Variants in PXN observed in about 807,000 individuals in gnomAD.
The protein encoded by PXN is paxillin.
PXN carries 61 observed loss-of-function variants against 103.6 expected under a neutral mutation model. The ratio of observed to expected loss-of-function variants is 0.59; its 90% CI spans 0.48 to 0.73. The LOEUF is 0.73. Among genes scored for constraint, PXN ranks in the 30% least tolerant of loss-of-function variants. PXN has a pLI of 0.00. For missense variants in PXN, 1,274 were observed against 1,460.3 expected, an observed-to-expected ratio of 0.87 and a Z score of 2.08; for synonymous variants, 562 against 607.8, an observed-to-expected ratio of 0.92 and a Z score of 1.11.
rs925865572 is a variant in PXN, at chr12:120,221,877, C to T, written c.696-119G>A. The T allele has an allele frequency of 7.3e-7, 1 of 1,374,744 alleles. No homozygotes were observed. Among genetic ancestry groups the T allele is most frequent in the Non-Finnish European group, 9.7e-7 (1 of 1,035,128 alleles). The allele number at this position is 1,374,744 out of a possible 1,614,324, so 85.2% of individuals were successfully genotyped here. ...CACCATCCCCAACCCCAGGGAGGTC[C>T]ACCAGCTCCCTGTCTCTCCTGGGGA... On this transcript the variant is annotated intron_variant, in intron 5 of 14. Coordinates refer to ENST00000637617, the MANE Select transcript of PXN (RefSeq NM_001385981.1). This position sits in a 1 kb window ranked among gnomAD's most constrained non-coding sequence, Gnocchi z 6.6.
Position 120,230,796 on chromosome 12 carries a change from C to T in PXN, c.14-6419G>A, listed in dbSNP as rs184768071. ...ATAACCGTCTGTCCTCAGTAAGGGC[C>T]AATCCACAATTAGGCCAGATCCACT... On this transcript the variant is annotated intron_variant, in intron 1 of 14. Coordinates refer to ENST00000637617, the MANE Select transcript of PXN (RefSeq NM_001385981.1). Among the ~76,000 whole-genome samples the T allele has an allele frequency of 6.6e-5, 10 of 152,178 alleles. No homozygotes were observed. In the East Asian group the frequency reaches 1.9e-3, roughly 29 times the overall value.
chr12:120,214,124 T>C lies in PXN; in HGVS notation c.2830+12A>G. 1 of 1,553,646 alleles carries C rather than the reference T, an allele frequency of 6.4e-7. No homozygotes were observed. Among genetic ancestry groups the C allele is most frequent in the Non-Finnish European group, 8.7e-7 (1 of 1,148,430 alleles). ...AAGAGGCGGTGGGTCAGTCCGCCGG[T>C]CCAGCCCGTACCTTCGGGACCAAAG... On this transcript the variant is annotated intron_variant, in intron 13 of 14. Coordinates refer to ENST00000637617, the MANE Select transcript of PXN (RefSeq NM_001385981.1). This position sits in a 1 kb window ranked among gnomAD's most constrained non-coding sequence, Gnocchi z 5.0.
Position 120,221,688 on chromosome 12 carries a change from G to C in PXN, c.766C>G (p.Arg256Gly), listed in dbSNP as rs757335775. Residue 256 changes from arginine (R) to glycine (G), a missense_variant, in exon 6 of 15, where the codon CGC (arginine) becomes GGC (glycine). This residue lies in a region of PXN where 1,178 missense variants were observed against 1,309.0 expected (regional missense o/e 0.90). Coordinates refer to ENST00000637617, the MANE Select transcript of PXN (RefSeq NM_001385981.1). This position sits in a 1 kb window ranked among gnomAD's most constrained non-coding sequence, Gnocchi z 6.6. The stretch of plus-strand genomic sequence containing the variant: ...CTGGTGGCAGAGGAGGCCGAGATGC[G>C]TGTCTGCTGTTGGGTGGAGGTGACG... ...QRVTSTQQQT[R>G]ISASSATREL... 2 of 1,568,238 alleles carry C rather than the reference G, an allele frequency of 1.3e-6. No individual in the cohort carries two copies. Among genetic ancestry groups the C allele is most frequent in the African/African-American group, 1.4e-5 (1 of 74,010 alleles).
At chr12:120,226,663 T>C in intron 1 of PXN, 1 of 1,164,612 alleles carries the variant, frequency 8.6e-7, no homozygotes, top group Non-Finnish European at 1.1e-6. Flanking sequence ...CCTAGGCTGG[T>C]GAAGTATTGG....
chr12:120,214,835 G>A lies in PXN; in HGVS notation c.2738C>T (p.Pro913Leu). The A allele has an allele frequency of 6.2e-7, 1 of 1,614,002 alleles. No homozygotes were observed. Among genetic ancestry groups the A allele is most frequent in the Non-Finnish European group, 8.5e-7 (1 of 1,179,884 alleles). ...FSPRCYYCNGPILDKVVTALD... is the reference protein window; with the variant it reads ...FSPRCYYCNGLILDKVVTALD... ...GGATGAGGAACTCACATCCAGGATG[G>A]GGCCGTTGCAGTAGTAGCAGCGCGG... The change falls in exon 12 of 15, where the codon CCC (proline) becomes CTC (leucine). Residue 913 changes from proline to leucine, a missense_variant. Physicochemically the swap from Pro to Leu is moderately conservative, Grantham distance 98. This residue lies in a region of PXN where 1,178 missense variants were observed against 1,309.0 expected (regional missense o/e 0.90). Coordinates refer to ENST00000637617, the MANE Select transcript of PXN (RefSeq NM_001385981.1). This position sits in a 1 kb window ranked among gnomAD's most constrained non-coding sequence, Gnocchi z 5.0.
At chr12:120,252,827 G>A (rs915300479) in intron 1 of PXN, among the ~76,000 whole-genome samples, 8 of 151,934 alleles carry the variant, frequency 5.3e-5, no homozygotes, top group Non-Finnish European at 2.9e-5. Context: ...ATGAAACTCC[G>A]TCTCTACTAA....
intron 1 of PXN, among the ~76,000 whole-genome samples, chr12:120,256,589 C>T (rs374049316): frequency 6.6e-6 from 1 of 152,058 alleles, no homozygotes; most frequent in African/African-American, 2.4e-5. Context: ...TGGAGTAAAG[C>T]GTGAGCAAAT....
Position 120,224,452 on chromosome 12 carries a change from C to A in PXN, c.14-75G>T. 9.3e-7 allele frequency: 1 copy of A among 1,075,944 alleles called. No homozygotes were observed. Among genetic ancestry groups the A allele is most frequent in the Non-Finnish European group, 1.4e-6 (1 of 693,538 alleles). The allele number at this position is 1,075,944 out of a possible 1,614,324, so 66.6% of individuals were successfully genotyped here. A position where few individuals can be genotyped will look rare whatever the true frequency, so the allele number is the denominator to read the frequency against. ...TCTCCCGTGGCAGGGCCCTCCCTGCCTGCACCTCAAGAGTTAATGCCTTCT... is the reference window on the plus strand; with the variant it reads ...TCTCCCGTGGCAGGGCCCTCCCTGCATGCACCTCAAGAGTTAATGCCTTCT... On this transcript the variant is annotated intron_variant, in intron 1 of 14. Coordinates refer to ENST00000637617, the MANE Select transcript of PXN (RefSeq NM_001385981.1). This position sits in a 1 kb window ranked among gnomAD's most constrained non-coding sequence, Gnocchi z 5.0.
rs1029966592 is a variant in PXN at position 120,217,157 on chromosome 12, C to G, written c.1717-41G>C. ...GGGGAGGCTGTCACCGTCCCACTCC[C>G]AGCTTGCACAACGCTGCTCAGGCCA... On this transcript the variant is annotated intron_variant, in intron 7 of 14. Coordinates refer to ENST00000637617, the MANE Select transcript of PXN (RefSeq NM_001385981.1). This position sits in a 1 kb window ranked among gnomAD's most constrained non-coding sequence, Gnocchi z 4.1. 8 of 1,478,248 alleles carry G rather than the reference C, an allele frequency of 5.4e-6. No individual in the cohort carries two copies. In the African/African-American group the frequency reaches 1.1e-4, roughly 20 times the overall value. The allele number at this position is 1,478,248 out of a possible 1,614,324, so 91.6% of individuals were successfully genotyped here.
rs1255620187 is a variant in PXN, at chr12:120,224,089, C to T, written c.240+62G>A. The T allele has an allele frequency of 4.5e-6, 6 of 1,343,614 alleles. 1 individual carries two copies. In the East Asian group the frequency reaches 1.3e-4, roughly 28 times the overall value. 83.2% of individuals were successfully genotyped at this position (1,343,614 alleles called of 1,614,324 possible). Reference sequence around the variant, plus strand: ...CATCCCCTGGCTCCCTAAGCCCCTGCCAGCTAAGTTCCCTCTGTCCCCCAG... The same window carrying T: ...CATCCCCTGGCTCCCTAAGCCCCTGTCAGCTAAGTTCCCTCTGTCCCCCAG... On this transcript the variant is annotated intron_variant, in intron 2 of 14. Transcript: ENST00000637617. The surrounding 1 kb of genome is among the most constrained non-coding windows in gnomAD (Gnocchi z 5.0).
In PXN at chr12:120,214,929, C is replaced by G. The variant is rs371082879; in HGVS notation, c.2644G>C (p.Gly882Arg). 1 of 1,614,034 alleles carries G rather than the reference C, an allele frequency of 6.2e-7. No homozygotes were observed. Among genetic ancestry groups the G allele is most frequent in the Non-Finnish European group, 8.5e-7 (1 of 1,179,878 alleles). ...TCCCGCTCGAAGAAGTTCCGGGATC[C>G]GATCTCCTCCTGGCAGTGGGTGCAG... The part of the protein sequence containing the change: ...FVCTHCQEEI[G>R]SRNFFERDGQ... Residue 882 changes from glycine (G) to arginine (R), a missense_variant, in exon 12 of 15, where the codon GGA (glycine) becomes CGA (arginine). Transcript: ENST00000637617. This position sits in a 1 kb window ranked among gnomAD's most constrained non-coding sequence, Gnocchi z 5.0.
At position 120,217,355 on chromosome 12, in the gene PXN, C is replaced by T. The variant is rs1047111774; in HGVS notation, c.1717-239G>A. Among the ~76,000 whole-genome samples, 5 of 152,066 alleles carry T rather than the reference C, an allele frequency of 3.3e-5. No individual in the cohort carries two copies. The highest frequency in any genetic ancestry group is 1.3e-4 in the Admixed American group (2 of 15,270). On this transcript the variant is annotated intron_variant, in intron 7 of 14. Coordinates refer to ENST00000637617, the MANE Select transcript of PXN (RefSeq NM_001385981.1). This position sits in a 1 kb window ranked among gnomAD's most constrained non-coding sequence, Gnocchi z 4.1. ...ACAGGCTGCGAGCGAGACCTCTGAC[C>T]CAGCATTCACCTCTAAGTTGGCCAC...
intron 1 of PXN, among the ~76,000 whole-genome samples, chr12:120,240,806 C>T (rs1890014550): frequency 6.6e-6 from 1 of 152,190 alleles, no homozygotes; most frequent in African/African-American, 2.4e-5. Context: ...TCGACACTAA[C>T]CCACCCAGGA....
rs1283607910 is a variant in PXN, at chr12:120,265,379, G to A, written c.13+238C>T. Among the ~76,000 whole-genome samples the A allele has an allele frequency of 6.6e-6, 1 of 152,164 alleles. No homozygotes were observed. Among genetic ancestry groups the A allele is most frequent in the Non-Finnish European group, 1.5e-5 (1 of 68,014 alleles). On this transcript the variant is annotated intron_variant, in intron 1 of 14. Coordinates refer to ENST00000637617, the MANE Select transcript of PXN (RefSeq NM_001385981.1). The surrounding 1 kb of genome is among the most constrained non-coding windows in gnomAD (Gnocchi z 5.7). The stretch of plus-strand genomic sequence containing the variant: ...GGGTCCCCGAGGTCGGGGGTCCAGA[G>A]GTGAAGCCGTCCCAGACGGGGGGTC...
At chr12:120,257,001 A>G (rs982969006) in intron 1 of PXN, among the ~76,000 whole-genome samples, 3 of 152,142 alleles carry the variant, frequency 2.0e-5, no homozygotes, top group African/African-American at 7.2e-5. Context: ...GATTACAGGC[A>G]TGAGCCACCG....
intron 1 of PXN, among the ~76,000 whole-genome samples, chr12:120,233,489 A>G (rs1020600830): frequency 1.3e-5 from 2 of 152,132 alleles, no homozygotes; most frequent in Admixed American, 6.6e-5. Flanking sequence ...TTTTCTTAGT[A>G]GAGTCGAAGT....
rs1594372082 is a variant in PXN at position 120,219,037 on chromosome 12, C to T, written c.1716+170G>A. ...GTTGACGCTATGAGAAATGCTGGGT[C>T]CACAGAGCCCACTGCCAAGTGCTGA... On this transcript the variant is annotated intron_variant, in intron 7 of 14. Transcript: ENST00000637617. This position sits in a 1 kb window ranked among gnomAD's most constrained non-coding sequence, Gnocchi z 6.5. Among the ~76,000 whole-genome samples the T allele has an allele frequency of 6.6e-6, 1 of 152,368 alleles. No individual in the cohort carries two copies.
Position 120,234,668 on chromosome 12 carries a change from C to T in PXN, c.14-10291G>A, listed in dbSNP as rs565097028. Among the ~76,000 whole-genome samples, 52 of 152,198 alleles carry T rather than the reference C, an allele frequency of 3.4e-4. No individual in the cohort carries two copies. The South Asian group carries it at 7.0e-3, about 21-fold the overall frequency. Reference sequence around the variant, plus strand: ...ACAGTGAGGAGGATGGGTTCAAATCCGCCACTCACTAGCCTGGGTGACCAG... The same window carrying T: ...ACAGTGAGGAGGATGGGTTCAAATCTGCCACTCACTAGCCTGGGTGACCAG... On this transcript the variant is annotated intron_variant, in intron 1 of 14. Coordinates refer to ENST00000637617, the MANE Select transcript of PXN (RefSeq NM_001385981.1).
intron 1 of PXN, among the ~76,000 whole-genome samples, chr12:120,247,007 G>A (rs1163194299): frequency 6.6e-6 from 1 of 151,820 alleles, no homozygotes; most frequent in East Asian, 1.9e-4. Context: ...CAGCCTGGGT[G>A]ACAGCAAGAC....
Sources: gnomAD v4.1 joint callset for allele counts (sites outside exome capture counted in the v4.1 genomes callset) on GRCh38, gnomAD v4.1.1 for gene constraint, gnomAD v4.1.1 regional missense constraint, Gnocchi (gnomAD v3.1) non-coding constraint, MANE v1.5 for transcripts, NCBI Gene and HGNC (gene_info 2026-07-23, HGNC 2026-07-21) for gene names.